The following PPP2R2C variants were observed in gnomAD, a reference collection of about 807,000 sequenced individuals.
PPP2R2C encodes protein phosphatase 2, regulatory subunit B, gamma.
PPP2R2C carries 10 observed loss-of-function variants against 45.3 expected under a neutral mutation model. That is an observed-to-expected ratio of 0.22 (90% CI 0.14 to 0.37). The LOEUF (loss-of-function observed/expected upper bound fraction) is 0.37. Among genes scored for constraint, PPP2R2C ranks in the 10% least tolerant of loss-of-function variants. PPP2R2C has a pLI of 1.00. For synonymous variants in PPP2R2C, 257 were observed against 245.4 expected, an observed-to-expected ratio of 1.05 and a Z score of -0.44; for missense variants, 308 against 619.7, an observed-to-expected ratio of 0.50 and a Z score of 5.34.
intron 3 of PPP2R2C, among the ~76,000 whole-genome samples, chr4:6,377,527 T>G (rs1299520415): frequency 6.6e-6 from 1 of 152,054 alleles, no homozygotes; most frequent in Non-Finnish European, 1.5e-5. Flanking sequence ...GGCATGGTGT[T>G]GGACGCCTGT....
rs75057705 is a variant in PPP2R2C at position 6,550,466 on chromosome 4, C to T, written c.-59+13094G>A. 6.2e-3 allele frequency among the ~76,000 whole-genome samples: 943 copies of T among 152,316 alleles called. 5 individuals are homozygous for T. Among genetic ancestry groups the T allele is most frequent in the African/African-American group, 0.022 (894 of 41,554 alleles). On this transcript the variant is annotated intron_variant, in intron 1 of 9. Transcript: ENST00000506140. The stretch of plus-strand genomic sequence containing the variant: ...ACTAACAAGCCATGCACTCCTACAA[C>T]GCCAACCCGAAACACGTGCTGTTTC...
At chr4:6,408,873 C>T (rs1411009214) in intron 1 of PPP2R2C, among the ~76,000 whole-genome samples, 26 of 126,708 alleles carry the variant, frequency 2.1e-4, no homozygotes, top group East Asian at 4.7e-4. Flanking sequence ...GATCCTGTGG[C>T]TTTTTTTTTT....
intron 1 of PPP2R2C, among the ~76,000 whole-genome samples, chr4:6,426,502 C>G (rs1212792410): frequency 1.3e-5 from 2 of 152,192 alleles, no homozygotes; most frequent in Non-Finnish European, 2.9e-5. Context: ...GGTGCAGCCA[C>G]TCGGTCGGTG....
At chr4:6,400,558 C>A (rs1717349035) in intron 1 of PPP2R2C, among the ~76,000 whole-genome samples, 1 of 152,190 alleles carries the variant, frequency 6.6e-6, no homozygotes, top group Non-Finnish European at 1.5e-5. Context: ...GTTTGGCAAC[C>A]ATTGCCCTAA....
At chr4:6,417,473 G>A (rs375774432) in intron 1 of PPP2R2C, among the ~76,000 whole-genome samples, 14 of 152,238 alleles carry the variant, frequency 9.2e-5, no homozygotes, top group East Asian at 3.9e-4. Context: ...GCCCCCCTTG[G>A]GTGGCACCCA....
intron 1 of PPP2R2C, among the ~76,000 whole-genome samples, chr4:6,460,934 G>A (rs900111394): frequency 7.9e-5 from 12 of 151,724 alleles, no homozygotes; most frequent in African/African-American, 2.4e-4. Context: ...TTCCCATCCC[G>A]CTCCAGCTCC....
intron 1 of PPP2R2C, among the ~76,000 whole-genome samples, chr4:6,432,952 T>C (rs1477109238): frequency 6.6e-6 from 1 of 152,214 alleles, no homozygotes; most frequent in Non-Finnish European, 1.5e-5. Context: ...ATAAAGATTA[T>C]AGTGATCCCC....
intron 5 of PPP2R2C, chr4:6,350,373 G>C: frequency 1.0e-6 from 1 of 985,454 alleles, no homozygotes; most frequent in South Asian, 4.7e-5. Context: ...CTGATGAAAT[G>C]TCACGCACAT....
intron 2 of PPP2R2C, among the ~76,000 whole-genome samples, chr4:6,483,963 G>A (rs1722452484): frequency 6.6e-6 from 1 of 152,044 alleles, no homozygotes; most frequent in Non-Finnish European, 1.5e-5. Context: ...CTAAAATACA[G>A]CCATATCTAT....
chr4:6,466,955 C>G (rs536689618), intron 1 of PPP2R2C, among the ~76,000 whole-genome samples: 2 of 152,138 alleles, frequency 1.3e-5, no homozygotes. Context: ...TGACAGCAGT[C>G]GCCTTTTACA....
chr4:6,549,055 G>A (rs991673385), intron 1 of PPP2R2C, among the ~76,000 whole-genome samples: 1 of 152,126 alleles, frequency 6.6e-6, no homozygotes, highest in African/African-American at 2.4e-5. Flanking sequence ...CAAGGTGTCT[G>A]GTAAATATCT....
At chr4:6,410,121 C>G (rs1256641904) in intron 1 of PPP2R2C, among the ~76,000 whole-genome samples, 1 of 152,188 alleles carries the variant, frequency 6.6e-6, no homozygotes, top group Admixed American at 6.5e-5. Context: ...GATCCCACAC[C>G]TCAGGCCCAC....
intron 6 of PPP2R2C, among the ~76,000 whole-genome samples, chr4:6,343,873 CAA>C (rs1470124294): frequency 6.6e-6 from 1 of 152,124 alleles, no homozygotes; most frequent in Non-Finnish European, 1.5e-5. Context: ...TAAAATTGGG[CAA>C]AGAGAGTATA....
At chr4:6,516,456 G>A (rs1157485457) in intron 2 of PPP2R2C, among the ~76,000 whole-genome samples, 1 of 152,224 alleles carries the variant, frequency 6.6e-6, no homozygotes, top group Admixed American at 6.5e-5. Context: ...AGAGGGCCTG[G>A]CTAGCCTTTA....
chr4:6,553,098 G>T (rs533640835), intron 1 of PPP2R2C, among the ~76,000 whole-genome samples: 1 of 152,354 alleles, frequency 6.6e-6, no homozygotes, highest in East Asian at 1.9e-4. Flanking sequence ...TGGGCTGAAA[G>T]GTGCAGGGGA....
At chr4:6,343,405 C>T (rs1434663037) in intron 6 of PPP2R2C, among the ~76,000 whole-genome samples, 1 of 152,130 alleles carries the variant, frequency 6.6e-6, no homozygotes, top group African/African-American at 2.4e-5. Flanking sequence ...ATAAAATTTG[C>T]ATAAATCAAT....
At chr4:6,411,991 T>C (rs1181547100) in intron 1 of PPP2R2C, among the ~76,000 whole-genome samples, 3 of 152,206 alleles carry the variant, frequency 2.0e-5, no homozygotes, top group Non-Finnish European at 4.4e-5. Flanking sequence ...TGCTTAGAAC[T>C]GTGATTCCAG....
intron 1 of PPP2R2C, among the ~76,000 whole-genome samples, chr4:6,467,012 A>G (rs545343741): frequency 1.3e-5 from 2 of 152,260 alleles, no homozygotes; most frequent in East Asian, 3.9e-4. Context: ...TTACAGCCTC[A>G]TGACAACCCA....
chr4:6,551,685 A>G (rs966910085), intron 1 of PPP2R2C, among the ~76,000 whole-genome samples: 2 of 152,242 alleles, frequency 1.3e-5, no homozygotes, highest in Non-Finnish European at 2.9e-5. Context: ...ATGCTGGACA[A>G]GCCACATGTC....
Sources: gnomAD v4.1 joint callset for allele counts (sites outside exome capture counted in the v4.1 genomes callset) on GRCh38, gnomAD v4.1.1 for gene constraint, MANE v1.5 for transcripts, NCBI Gene and HGNC (gene_info 2026-07-23, HGNC 2026-07-21) for gene names.